The following DDX46 variants were observed in gnomAD, a reference collection of about 807,000 sequenced individuals.
The protein encoded by DDX46 is DEAD-box helicase 46.
Under a neutral mutation model 134.9 loss-of-function variants are expected in DDX46, and 30 were observed. The ratio of observed to expected loss-of-function variants is 0.22; its 90% CI spans 0.17 to 0.30. DDX46 has a LOEUF of 0.30. DDX46 is among the 10% of genes least tolerant of loss of function. The pLI, the probability that DDX46 is intolerant of heterozygous loss-of-function variation, is 1.00. For synonymous variants in DDX46, 415 were observed against 404.1 expected, an observed-to-expected ratio of 1.03 and a Z score of -0.32; for missense variants, 622 against 1,248.7, an observed-to-expected ratio of 0.50 and a Z score of 7.56.
At chr5:134,774,861 T>C (rs553764952) in intron 5 of DDX46, among the ~76,000 whole-genome samples, 46 of 151,980 alleles carry the variant, frequency 3.0e-4, no homozygotes, top group African/African-American at 1.1e-3. Context: ...CTTTTTCTTT[T>C]TTCTTTTTTG....
At chr5:134,777,845 T>TGA in intron 6 of DDX46, 120 bp downstream of exon 6, 1 of 1,213,646 alleles carries the variant, frequency 8.2e-7, no homozygotes, top group Non-Finnish European at 1.1e-6. Flanking sequence ...TCTCCTCATC[T>TGA]GAGAGATGGC....
chr5:134,773,214 G>A (rs1753827293), intron 4 of DDX46, among the ~76,000 whole-genome samples: 1 of 152,158 alleles, frequency 6.6e-6, no homozygotes, highest in Admixed American at 6.6e-5. Flanking sequence ...TGGGACCACA[G>A]ACATGTACCA....
intron 4 of DDX46, among the ~76,000 whole-genome samples, chr5:134,772,509 ACT>A (rs921587043): frequency 4.6e-5 from 7 of 151,452 alleles, no homozygotes; most frequent in African/African-American, 9.7e-5. Flanking sequence ...TGACTGCGAG[ACT>A]CTGTCTGGAA....
intron 11 of DDX46, among the ~76,000 whole-genome samples, chr5:134,787,094 T>C (rs1754361399): frequency 6.6e-6 from 1 of 152,072 alleles, no homozygotes; most frequent in Non-Finnish European, 1.5e-5. Context: ...GGCTAGTTTT[T>C]GTATTTTTTT....
intron 22 of DDX46, among the ~76,000 whole-genome samples, chr5:134,827,421 C>T (rs2150164723): frequency 6.6e-6 from 1 of 152,166 alleles, no homozygotes; most frequent in Non-Finnish European, 1.5e-5. Flanking sequence ...ATTACAGGCG[C>T]ACACCACCGC....
At chr5:134,808,582 T>G (rs1214962289) in intron 16 of DDX46, among the ~76,000 whole-genome samples, 2 of 152,128 alleles carry the variant, frequency 1.3e-5, no homozygotes, top group Non-Finnish European at 2.9e-5. Context: ...CACATAAATG[T>G]TTATACTTCA....
intron 21 of DDX46, among the ~76,000 whole-genome samples, chr5:134,824,434 CAA>C (rs1177910944): frequency 4.6e-5 from 7 of 152,012 alleles, no homozygotes; most frequent in Non-Finnish European, 1.0e-4. Context: ...CTACTAAATA[CAA>C]AAATTAGCTG....
chr5:134,777,114 G>A (rs1280578958), intron 5 of DDX46, among the ~76,000 whole-genome samples: 2 of 152,078 alleles, frequency 1.3e-5, no homozygotes, highest in Non-Finnish European at 2.9e-5. Flanking sequence ...TCAGGCTGAG[G>A]CAAGAGAATG....
chr5:134,801,774 T>C (rs2150151919), intron 15 of DDX46, among the ~76,000 whole-genome samples: 1 of 152,258 alleles, frequency 6.6e-6, no homozygotes, highest in South Asian at 2.1e-4. Context: ...TGTTCATCTG[T>C]TTAAGGACAT....
chr5:134,774,928 G>A (rs928967195), intron 5 of DDX46, among the ~76,000 whole-genome samples: 3 of 152,018 alleles, frequency 2.0e-5, no homozygotes, highest in African/African-American at 7.2e-5. Flanking sequence ...CCAGGTTCAA[G>A]CTATTCTCTT....
At chr5:134,800,916 T>C (rs1754808889) in intron 15 of DDX46, among the ~76,000 whole-genome samples, 1 of 152,130 alleles carries the variant, frequency 6.6e-6, no homozygotes, top group Non-Finnish European at 1.5e-5. Flanking sequence ...CCTCAGGTGA[T>C]CCACCTGCCT....
At chr5:134,777,463 AAG>A in intron 5 of DDX46, 109 bp from the exon 6 acceptor site, 1 of 1,211,508 alleles carries the variant, frequency 8.3e-7, no homozygotes, top group Non-Finnish European at 1.2e-6. Flanking sequence ...GTAATTGGAA[AAG>A]GGGTGTTTGG....
At chr5:134,795,781 T>C (rs1754639229) in intron 14 of DDX46, among the ~76,000 whole-genome samples, 1 of 152,248 alleles carries the variant, frequency 6.6e-6, no homozygotes, top group Admixed American at 6.5e-5. Context: ...AGAGAACAGA[T>C]GATCATTTGC....
chr5:134,799,316 CTT>C (rs569120916), intron 15 of DDX46, among the ~76,000 whole-genome samples: 1 of 144,672 alleles, frequency 6.9e-6, no homozygotes, highest in Non-Finnish European at 1.5e-5. Flanking sequence ...ACTTGTTTCA[CTT>C]TTTTTTTTTT....
intron 21 of DDX46, 93 bp downstream of exon 21, chr5:134,819,097 G>A (rs1755369248): frequency 7.3e-7 from 1 of 1,366,786 alleles, no homozygotes; most frequent in Non-Finnish European, 9.7e-7. Context: ...CAATTCTAGA[G>A]AGAACTGAAA....
chr5:134,788,439 G>T lies in DDX46; in HGVS notation c.1465-74G>T, dbSNP rs984530463. On this transcript the variant is annotated intron_variant, in intron 11 of 22. Transcript: ENST00000452510. Reference sequence around the variant, plus strand: ...GAAGTCTTCTAATTAGACTAGGCAAGAACTAAATGCAGTATTTTTTAGTGT... The same window carrying T: ...GAAGTCTTCTAATTAGACTAGGCAATAACTAAATGCAGTATTTTTTAGTGT... The T allele has an allele frequency of 2.9e-5, 36 of 1,254,332 alleles. No homozygotes were observed. The African/African-American group carries it at 4.9e-4, about 17-fold the overall frequency. The allele number at this position is 1,254,332 out of a possible 1,614,324, so 77.7% of individuals were successfully genotyped here.
At chr5:134,793,606 T>C (rs957111501) in intron 13 of DDX46, among the ~76,000 whole-genome samples, 1 of 152,088 alleles carries the variant, frequency 6.6e-6, no homozygotes, top group Non-Finnish European at 1.5e-5. Context: ...GGTTTCACCA[T>C]GTTGGCTGGA....
At chr5:134,826,804 AC>A (rs1384840946) in intron 21 of DDX46, 142 bp from the exon 22 acceptor site, 1 of 644,156 alleles carries the variant, frequency 1.6e-6, no homozygotes, top group Non-Finnish European at 2.6e-6. Flanking sequence ...GTAATGTTCC[AC>A]CAGGCATTAA....
chr5:134,762,364 G>A (rs1185287271), intron 1 of DDX46, among the ~76,000 whole-genome samples: 2 of 152,078 alleles, frequency 1.3e-5, no homozygotes, highest in Admixed American at 1.3e-4. Context: ...GTTACAGTGA[G>A]TAGCAATTGA....
Sources: gnomAD v4.1 joint callset for allele counts (sites outside exome capture counted in the v4.1 genomes callset) on GRCh38, gnomAD v4.1.1 for gene constraint, MANE v1.5 for transcripts, NCBI Gene and HGNC (gene_info 2026-07-23, HGNC 2026-07-21) for gene names.